FAF1: variants seen among roughly 807,000 people sequenced by gnomAD.
The protein encoded by FAF1 is FAS-associated factor 1.
A neutral mutation model predicts 92.5 loss-of-function variants in FAF1; 25 were observed. The observed-to-expected ratio is 0.27, with a 90% CI of 0.20 to 0.38. The LOEUF is 0.38. Ranked by LOEUF, FAF1 falls within the 10% of genes least tolerant of loss-of-function variation. The pLI, the probability that FAF1 is intolerant of heterozygous loss-of-function variation, is 1.00. For missense variants in FAF1, 636 were observed against 793.3 expected (o/e 0.80, Z 2.38); for synonymous variants, 234 against 273.2 (o/e 0.86, Z 1.42).
intron 1 of FAF1, among the ~76,000 whole-genome samples, chr1:50,947,757 A>C (rs1407147100): frequency 6.6e-6 from 1 of 152,250 alleles, no homozygotes; most frequent in Non-Finnish European, 1.5e-5. Context: ...TATATGCATC[A>C]CTTTAAAGTT....
Position 50,762,654 on chromosome 1 carries a change from T to C in FAF1, c.368-17879A>G, listed in dbSNP as rs531918262. ...CTAGCCATATGTAGAAAGCTGAAAC[T>C]GGATCCCTCCTTACACCTTATACAA... On this transcript the variant is annotated intron_variant, in intron 4 of 18. Coordinates refer to ENST00000396153, the MANE Select transcript of FAF1 (RefSeq NM_007051.3). Among the ~76,000 whole-genome samples, 1,175 of 152,350 alleles carry C rather than the reference T, an allele frequency of 7.7e-3. 13 individuals are homozygous for C. The highest frequency in any genetic ancestry group is 0.027 in the African/African-American group (1,135 of 41,564).
intron 3 of FAF1, among the ~76,000 whole-genome samples, chr1:50,793,238 A>G (rs957916903): frequency 2.0e-5 from 3 of 152,130 alleles, no homozygotes; most frequent in African/African-American, 7.2e-5. Flanking sequence ...CTAAAACACA[A>G]CAGTGCCACA....
chr1:50,745,566 C>A (rs930949783), intron 4 of FAF1, among the ~76,000 whole-genome samples: 2 of 152,020 alleles, frequency 1.3e-5, no homozygotes, highest in Non-Finnish European at 2.9e-5. Flanking sequence ...CTCAGGAGAT[C>A]TGGTTGTTTA....
intron 1 of FAF1, among the ~76,000 whole-genome samples, chr1:50,956,244 T>G (rs1346870402): frequency 4.6e-5 from 7 of 152,164 alleles, no homozygotes; most frequent in Non-Finnish European, 1.0e-4. Flanking sequence ...TTGTAATAAA[T>G]TCACCCATCT....
chr1:50,699,092 G>T (rs1270327035), intron 7 of FAF1, among the ~76,000 whole-genome samples: 2 of 151,920 alleles, frequency 1.3e-5, no homozygotes, highest in African/African-American at 4.8e-5. Context: ...AAATTAAAAT[G>T]AACATGGTGG....
intron 2 of FAF1, among the ~76,000 whole-genome samples, chr1:50,838,494 C>T (rs1644230326): frequency 6.8e-6 from 1 of 146,190 alleles, no homozygotes; most frequent in African/African-American, 2.5e-5. Flanking sequence ...TAAATATAAG[C>T]TATGTTTTGT....
chr1:50,549,443 G>A (rs1255650465), intron 13 of FAF1, among the ~76,000 whole-genome samples: 3 of 151,808 alleles, frequency 2.0e-5, no homozygotes, highest in African/African-American at 7.3e-5. Context: ...CGAGTAGCTG[G>A]GACTACAGGC....
intron 2 of FAF1, among the ~76,000 whole-genome samples, chr1:50,815,390 C>G (rs1430951912): frequency 6.6e-6 from 1 of 152,152 alleles, no homozygotes; most frequent in Non-Finnish European, 1.5e-5. Flanking sequence ...CTGTAAAGGA[C>G]ATAATTTCAT....
chr1:50,523,637 AG>A (rs1647627703), intron 15 of FAF1, among the ~76,000 whole-genome samples: 1 of 152,184 alleles, frequency 6.6e-6, no homozygotes, highest in Non-Finnish European at 1.5e-5. Flanking sequence ...GTGTTGTAGG[AG>A]TTAATATATT....
chr1:50,521,095 A>T (rs1048355008), intron 15 of FAF1, among the ~76,000 whole-genome samples: 9 of 152,166 alleles, frequency 5.9e-5, no homozygotes, highest in African/African-American at 2.2e-4. Flanking sequence ...TGATGTTCTG[A>T]ACTATATATA....
intron 9 of FAF1, among the ~76,000 whole-genome samples, chr1:50,591,555 C>T (rs1258207226): frequency 1.3e-5 from 2 of 151,908 alleles, no homozygotes; most frequent in Non-Finnish European, 2.9e-5. Context: ...TGCCTATAAT[C>T]CCAGTTACTC....
rs558179036 is a variant in FAF1 at position 50,730,559 on chromosome 1, TTCTA to T, written c.551+8300_551+8303del. On this transcript the variant is annotated intron_variant, in intron 6 of 18. Coordinates refer to ENST00000396153, the MANE Select transcript of FAF1 (RefSeq NM_007051.3). ...AAGTTAAACACACAATTCAATTATT[TTCTA>T]TCTTTCTTATTGTAGTGAATTCTTT... 3.9e-5 allele frequency among the ~76,000 whole-genome samples: 6 copies of T among 152,340 alleles called. No individual in the cohort carries two copies. The East Asian group carries it at 7.7e-4, about 20-fold the overall frequency.
chr1:50,742,371 G>A (rs1659421977), intron 5 of FAF1, among the ~76,000 whole-genome samples: 1 of 140,868 alleles, frequency 7.1e-6, no homozygotes, highest in Non-Finnish European at 1.5e-5. Context: ...CCAAGGCTGT[G>A]TTCAAATTTG....
chr1:50,650,272 G>A (rs1301597607), intron 8 of FAF1, among the ~76,000 whole-genome samples: 6 of 115,838 alleles, frequency 5.2e-5, no homozygotes, highest in East Asian at 2.6e-4. Context: ...CAACAAGAGC[G>A]AAACTCTGTC....
intron 13 of FAF1, among the ~76,000 whole-genome samples, chr1:50,560,816 C>G: frequency 6.6e-6 from 1 of 152,206 alleles, no homozygotes; most frequent in Admixed American, 6.5e-5. Flanking sequence ...CACTAACCCA[C>G]TTATTACTGG....
chr1:50,512,716 C>T (rs1016329766), intron 15 of FAF1, among the ~76,000 whole-genome samples: 6 of 152,100 alleles, frequency 3.9e-5, no homozygotes, highest in African/African-American at 7.2e-5. Flanking sequence ...TTGGCTATAA[C>T]GGCTCTTTTT....
At chr1:50,770,888 G>A (rs1350403607) in intron 4 of FAF1, among the ~76,000 whole-genome samples, 1 of 152,172 alleles carries the variant, frequency 6.6e-6, no homozygotes, top group African/African-American at 2.4e-5. Context: ...AACCATAACA[G>A]CACGTTACTG....
intron 13 of FAF1, among the ~76,000 whole-genome samples, chr1:50,549,447 T>G (rs1649190219): frequency 6.6e-6 from 1 of 151,632 alleles, no homozygotes; most frequent in African/African-American, 2.4e-5. Flanking sequence ...TAGCTGGGAC[T>G]ACAGGCATGC....
intron 6 of FAF1, among the ~76,000 whole-genome samples, chr1:50,719,142 A>C (rs1315231295): frequency 6.6e-6 from 1 of 152,222 alleles, no homozygotes; most frequent in Non-Finnish European, 1.5e-5. Context: ...AAATTGTCTC[A>C]GGAACAGCAT....
Sources: allele counts gnomAD v4.1 joint callset (sites outside exome capture counted in the v4.1 genomes callset), GRCh38; gene constraint gnomAD v4.1.1; transcripts MANE v1.5; gene names NCBI Gene and HGNC (gene_info 2026-07-23, HGNC 2026-07-21).